The following ZNF385D variants were observed in gnomAD, a reference collection of about 807,000 sequenced individuals.
ZNF385D encodes the protein zinc finger protein 385D.
In ZNF385D, 15 loss-of-function variants were observed where a neutral mutation model predicts 35.8. The ratio of observed to expected loss-of-function variants is 0.42; its 90% CI spans 0.28 to 0.64. ZNF385D has a LOEUF of 0.64. Ranked by LOEUF, ZNF385D falls within the 30% of genes least tolerant of loss-of-function variation. The pLI, the probability that ZNF385D is intolerant of heterozygous loss-of-function variation, is 0.23. For missense variants in ZNF385D, 474 were observed against 494.6 expected, an observed-to-expected ratio of 0.96 and a Z score of 0.39; for synonymous variants, 212 against 186.8, an observed-to-expected ratio of 1.13 and a Z score of -1.10.
chr3:22,161,208 T>C (rs895239375), intron 3 of ZNF385D, among the ~76,000 whole-genome samples: 1 of 152,044 alleles, frequency 6.6e-6, no homozygotes, highest in Non-Finnish European at 1.5e-5. Flanking sequence ...TTAAAAAATA[T>C]ATATCATAAA....
intron 1 of ZNF385D, among the ~76,000 whole-genome samples, chr3:21,696,226 G>A (rs2067464476): frequency 6.6e-6 from 1 of 152,190 alleles, no homozygotes; most frequent in Non-Finnish European, 1.5e-5. Context: ...TGGAGAGTTT[G>A]AACACGGACT....
chr3:22,150,892 T>G (rs1410193154), intron 3 of ZNF385D, among the ~76,000 whole-genome samples: 3 of 152,126 alleles, frequency 2.0e-5, no homozygotes, highest in Admixed American at 2.0e-4. Flanking sequence ...TCGAGCTTCC[T>G]GGGAAAATTT....
At chr3:22,368,134 A>T (rs1696738610) in intron 2 of ZNF385D, among the ~76,000 whole-genome samples, 1 of 152,226 alleles carries the variant, frequency 6.6e-6, no homozygotes, top group Non-Finnish European at 1.5e-5. Flanking sequence ...TGTGTTGCAA[A>T]TAAGGCAAAA....
intron 1 of ZNF385D, among the ~76,000 whole-genome samples, chr3:21,743,481 T>C (rs889964372): frequency 9.2e-5 from 14 of 152,320 alleles, no homozygotes; most frequent in African/African-American, 2.6e-4. Context: ...CAACTGACAT[T>C]TATTTCTCAC....
intron 3 of ZNF385D, among the ~76,000 whole-genome samples, chr3:21,991,009 A>C (rs1695118152): frequency 2.0e-5 from 3 of 152,242 alleles, no homozygotes; most frequent in Admixed American, 2.0e-4. Context: ...CAAAGCTTCT[A>C]ATTTGCAGTG....
At chr3:21,428,933 C>CTTTTTTTTTTTTTTTTTTTTTTTTTTT (rs56827844) in intron 5 of ZNF385D, among the ~76,000 whole-genome samples, 2 of 112,044 alleles carry the variant, frequency 1.8e-5, no homozygotes, top group African/African-American at 3.4e-5. Flanking sequence ...CCAAGAAATC[C>CTTTTTTTTTTTTTTTTTTTTTTTTTTT]TTTTTTTTTT....
intron 3 of ZNF385D, among the ~76,000 whole-genome samples, chr3:22,043,652 C>T (rs988633480): frequency 2.5e-5 from 3 of 119,532 alleles, no homozygotes; most frequent in East Asian, 2.9e-4. Context: ...AGGTAACTTC[C>T]GAGATGCCCC....
At chr3:21,672,249 T>C (rs2066597786) in intron 1 of ZNF385D, among the ~76,000 whole-genome samples, 1 of 151,698 alleles carries the variant, frequency 6.6e-6, no homozygotes, top group South Asian at 2.1e-4. Flanking sequence ...TCGTTGTTTC[T>C]TTTTTTCTTT....
intron 2 of ZNF385D, among the ~76,000 whole-genome samples, chr3:21,649,768 C>G (rs1033269196): frequency 5.9e-5 from 9 of 152,084 alleles, no homozygotes; most frequent in African/African-American, 2.2e-4. Context: ...TGACTTTGTC[C>G]AAATAAGAGC....
At chr3:21,778,328 G>C (rs1049245428) in intron 3 of ZNF385D, among the ~76,000 whole-genome samples, 1 of 151,756 alleles carries the variant, frequency 6.6e-6, no homozygotes, top group East Asian at 1.9e-4. Context: ...AACACACCTA[G>C]CCATCTGTCT....
chr3:22,190,802 CTAGATAGA>C (rs1158268426), intron 2 of ZNF385D, among the ~76,000 whole-genome samples: 1 of 151,912 alleles, frequency 6.6e-6, no homozygotes, highest in Admixed American at 6.6e-5. Context: ...CCTCTTTACA[CTAGATAGA>C]TTTCCATTCT....
intron 3 of ZNF385D, among the ~76,000 whole-genome samples, chr3:21,803,891 A>ACTGCATT (rs2072518560): frequency 6.6e-6 from 1 of 152,216 alleles, no homozygotes; most frequent in African/African-American, 2.4e-5. Flanking sequence ...TCATTTTGGA[A>ACTGCATT]CTGCATTCAA....
chr3:22,164,247 T>TTTTTTTTTG (rs1348547943), intron 3 of ZNF385D, among the ~76,000 whole-genome samples: 1 of 93,488 alleles, frequency 1.1e-5, no homozygotes, highest in African/African-American at 6.0e-5. Flanking sequence ...TTTTTTTTTT[T>TTTTTTTTTG]GAGACGGGGT....
At chr3:21,751,414 C>A (rs543857849), upstream of ZNF385D, 200 of 1,009,502 alleles carry the variant, frequency 2.0e-4, 1 homozygote, top group East Asian at 2.9e-3. Context: ...CACAGGAACA[C>A]ACAGGAGAAA....
chr3:22,208,409 T>C (rs566534984), intron 2 of ZNF385D, among the ~76,000 whole-genome samples: 212 of 151,354 alleles, frequency 1.4e-3, no homozygotes, highest in African/African-American at 3.6e-3. Flanking sequence ...CTCATGAACA[T>C]AGAGAGTGGA....
At chr3:21,640,837 T>G (rs2065582951) in intron 2 of ZNF385D, among the ~76,000 whole-genome samples, 2 of 152,160 alleles carry the variant, frequency 1.3e-5, no homozygotes, top group Non-Finnish European at 2.9e-5. Context: ...AAAGTACCTC[T>G]AGCGACAGGG....
chr3:21,761,239 G>C (rs781666403), intron 3 of ZNF385D, among the ~76,000 whole-genome samples: 24 of 152,194 alleles, frequency 1.6e-4, no homozygotes, highest in Non-Finnish European at 2.8e-4. Context: ...AAATTCATGA[G>C]AGACTCCTAG....
At position 21,421,304 on chromosome 3, in the gene ZNF385D, G is replaced by A. The variant is rs1401372402; in HGVS notation, c.1098C>T (p.Phe366=). Residue 366 remains phenylalanine (F), a synonymous_variant, in exon 8 of 8, where the codon TTC becomes TTT. Transcript: ENST00000281523. ...GTGCCGGAGGAAGCGCGGAAGTCTG[G>A]AACAGTGTTGCTGCTGGAGCAGTTC... ...SLRTAPAATL[F]QTSALPPALL... 1 of 1,613,978 alleles carries A rather than the reference G, an allele frequency of 6.2e-7. No individual in the cohort carries two copies. The highest frequency in any genetic ancestry group is 1.7e-5 in the Admixed American group (1 of 60,004).
At chr3:22,342,003 C>A (rs1488670234) in intron 2 of ZNF385D, among the ~76,000 whole-genome samples, 2 of 151,980 alleles carry the variant, frequency 1.3e-5, no homozygotes, top group Non-Finnish European at 2.9e-5. Flanking sequence ...AGGCCGGGCG[C>A]GGTGGCTCAC....
Sources: gnomAD v4.1 joint callset for allele counts (sites outside exome capture counted in the v4.1 genomes callset) on GRCh38, gnomAD v4.1.1 for gene constraint, MANE v1.5 for transcripts, NCBI Gene and HGNC (gene_info 2026-07-23, HGNC 2026-07-21) for gene names.